Variants in TBC1D16 observed in about 807,000 individuals in gnomAD.
The protein encoded by TBC1D16 is TBC1 domain family member 16, also known as CTD-2529O21.1.
TBC1D16 carries 58 observed loss-of-function variants against 74.7 expected under a neutral mutation model. That is an observed-to-expected ratio of 0.78 (90% CI 0.63 to 0.97). The LOEUF is 0.97. Ranked by LOEUF, TBC1D16 falls within the 50% of genes least tolerant of loss-of-function variation. The pLI, the probability that TBC1D16 is intolerant of heterozygous loss-of-function variation, is 0.00. For synonymous variants in TBC1D16, 493 were observed against 474.7 expected (o/e 1.04, Z -0.50); for missense variants, 1,014 against 1,079.5 (o/e 0.94, Z 0.85).
rs185885819 is a variant in TBC1D16 at position 79,956,897 on chromosome 17, G to T, written c.780-4079C>A. Among the ~76,000 whole-genome samples, 64 of 152,328 alleles carry T rather than the reference G, an allele frequency of 4.2e-4. No individual in the cohort carries two copies. The highest frequency in any genetic ancestry group is 1.5e-3 in the African/African-American group (64 of 41,572). On this transcript the variant is annotated intron_variant, in intron 3 of 11. Coordinates refer to ENST00000310924, the MANE Select transcript of TBC1D16 (RefSeq NM_019020.4). This position sits in a 1 kb window ranked among gnomAD's most constrained non-coding sequence, Gnocchi z 4.0. ...TTTGCCCCTAAGGGGTTGTGAGAGG[G>T]TTTAAGCCAACTTCTGCCTGGAGGC... is the stretch of plus-strand genomic sequence containing the variant.
chr17:79,949,765 G>A lies in TBC1D16; in HGVS notation c.1358C>T (p.Ala453Val), dbSNP rs894428634. ...SHESTSEERE[A>V]LRLQKRKEYS... The stretch of plus-strand genomic sequence containing the variant: ...CTCCTTTCGCTTCTGCAGCCGCAGC[G>A]CCTCCCGCTCCTCCGACGTGGACTC... Residue 453 changes from alanine to valine, a missense_variant, in exon 7 of 12, where the codon GCG (alanine) becomes GTG (valine). Ala to Val is a moderately conservative substitution (Grantham distance 64, BLOSUM62 0). Coordinates refer to ENST00000310924, the MANE Select transcript of TBC1D16 (RefSeq NM_019020.4). The A allele has an allele frequency of 4.3e-6, 7 of 1,613,476 alleles. No individual in the cohort carries two copies. Among genetic ancestry groups the A allele is most frequent in the African/African-American group, 1.3e-5 (1 of 75,016 alleles).
At chr17:80,002,618 G>C (rs940661613) in intron 3 of TBC1D16, among the ~76,000 whole-genome samples, 8 of 152,218 alleles carry the variant, frequency 5.3e-5, no homozygotes, top group African/African-American at 1.9e-4. Context: ...CCTGCTGGGA[G>C]GGTCGCTACG....
chr17:79,950,309 G>C lies in TBC1D16; in HGVS notation c.1257+102C>G. 1 of 1,343,776 alleles carries C rather than the reference G, an allele frequency of 7.4e-7. No individual in the cohort carries two copies. Among genetic ancestry groups the C allele is most frequent in the Non-Finnish European group, 9.9e-7 (1 of 1,014,744 alleles). The allele number at this position is 1,343,776 out of a possible 1,614,324, so 83.2% of individuals were successfully genotyped here. On this transcript the variant is annotated intron_variant, in intron 6 of 11. Coordinates refer to ENST00000310924, the MANE Select transcript of TBC1D16 (RefSeq NM_019020.4). This position sits in a 1 kb window ranked among gnomAD's most constrained non-coding sequence, Gnocchi z 4.6. ...GGGCCCTCACGAGGAGGTGGCCCGT[G>C]GGTGCGGGCGGGCGGCCAGGCCCCG...
intron 3 of TBC1D16, among the ~76,000 whole-genome samples, chr17:79,999,397 A>G (rs2035397713): frequency 6.6e-6 from 1 of 152,112 alleles, no homozygotes; most frequent in Non-Finnish European, 1.5e-5. Flanking sequence ...TGTCTGGCCC[A>G]CCTGCCAACC....
chr17:79,950,354 C>A lies in TBC1D16; in HGVS notation c.1257+57G>T. 12 of 1,523,570 alleles carry A rather than the reference C, an allele frequency of 7.9e-6. No individual in the cohort carries two copies. Among genetic ancestry groups the A allele is most frequent in the South Asian group, 1.3e-5 (1 of 78,368 alleles). The allele number at this position is 1,523,570 out of a possible 1,614,324, so 94.4% of individuals were successfully genotyped here. On this transcript the variant is annotated intron_variant, in intron 6 of 11. Coordinates refer to ENST00000310924, the MANE Select transcript of TBC1D16 (RefSeq NM_019020.4). This position sits in a 1 kb window ranked among gnomAD's most constrained non-coding sequence, Gnocchi z 4.6. ...GCCCCGGCCCTCCTTCCCTCTCGCT[C>A]GTTCCCGGTTCCCGGCCGGCTCTCC... is the stretch of plus-strand genomic sequence containing the variant.
rs770574464 is a variant in TBC1D16 at position 79,983,672 on chromosome 17, C to T, written c.779+26488G>A. Among the ~76,000 whole-genome samples, 10 of 152,152 alleles carry T rather than the reference C, an allele frequency of 6.6e-5. No homozygotes were observed. The highest frequency in any genetic ancestry group is 1.0e-4 in the Non-Finnish European group (7 of 68,010). On this transcript the variant is annotated intron_variant, in intron 3 of 11. Transcript: ENST00000310924. This position sits in a 1 kb window ranked among gnomAD's most constrained non-coding sequence, Gnocchi z 5.6. ...CAAGGAAGTGCCGCCCACGGCATTC[C>T]GGAAGGTGGTTCCTTCTGGAGACCG...
rs747788377 is a variant in TBC1D16 at position 80,010,334 on chromosome 17, G to A, written c.605C>T (p.Pro202Leu). The A allele has an allele frequency of 1.7e-5, 28 of 1,610,644 alleles. No individual in the cohort carries two copies. Among genetic ancestry groups the A allele is most frequent in the East Asian group, 4.5e-5 (2 of 44,708 alleles). Residue 202 changes from proline to leucine, a missense_variant, in exon 3 of 12, where the codon CCG (proline) becomes CTG (leucine). Transcript: ENST00000310924. This position sits in a 1 kb window ranked among gnomAD's most constrained non-coding sequence, Gnocchi z 8.8. ...PQDVTEEGRE[P>L]RPEAGEEDGS... The stretch of plus-strand genomic sequence containing the variant: ...ATCCTCCTCCCCGGCCTCGGGCCGC[G>A]GCTCCCGCCCCTCCTCGGTGACATC...
rs1266902586 is a variant in TBC1D16 at position 79,983,644 on chromosome 17, G to C, written c.779+26516C>G. Among the ~76,000 whole-genome samples the C allele has an allele frequency of 6.6e-6, 1 of 152,216 alleles. No individual in the cohort carries two copies. The highest frequency in any genetic ancestry group is 2.4e-5 in the African/African-American group (1 of 41,456). Reference sequence around the variant, plus strand: ...CATGTGTGCAAAGCCTGCTTTAGGAGAGCAAGGAAGTGCCGCCCACGGCAT... The same window carrying C: ...CATGTGTGCAAAGCCTGCTTTAGGACAGCAAGGAAGTGCCGCCCACGGCAT... On this transcript the variant is annotated intron_variant, in intron 3 of 11. Coordinates refer to ENST00000310924, the MANE Select transcript of TBC1D16 (RefSeq NM_019020.4). The surrounding 1 kb of genome is among the most constrained non-coding windows in gnomAD (Gnocchi z 5.6).
intron 3 of TBC1D16, among the ~76,000 whole-genome samples, chr17:79,960,812 A>AAAAAAG (rs2033580165): frequency 7.4e-6 from 1 of 134,302 alleles, no homozygotes; most frequent in Non-Finnish European, 1.6e-5. Flanking sequence ...AAAAAAAACG[A>AAAAAAG]AGGAATGAAA....
rs367785113 is a variant in TBC1D16, at chr17:79,940,873, C to T, written c.2290G>A (p.Gly764Ser). The T allele has an allele frequency of 9.0e-6, 14 of 1,551,666 alleles. No individual in the cohort carries two copies. Among genetic ancestry groups the T allele is most frequent in the African/African-American group, 5.4e-5 (4 of 73,780 alleles). ...GGGGGCCCGACCTATCTGCGGAAGCCGAAGCCGTCCTGCGGCGTCTTTGGG... is the reference window on the plus strand; with the variant it reads ...GGGGGCCCGACCTATCTGCGGAAGCTGAAGCCGTCCTGCGGCGTCTTTGGG... The part of the protein sequence containing the change: ...KGPKTPQDGF[G>S]FRR Residue 764 changes from glycine (G) to serine (S), a missense_variant, in exon 12 of 12, where the codon GGC becomes AGC. Transcript: ENST00000310924. The surrounding 1 kb of genome is among the most constrained non-coding windows in gnomAD (Gnocchi z 5.4).
chr17:79,969,964 A>G (rs529512157), intron 3 of TBC1D16, among the ~76,000 whole-genome samples: 1 of 152,248 alleles, frequency 6.6e-6, no homozygotes, highest in East Asian at 1.9e-4. Flanking sequence ...AGAAAAGAAA[A>G]TAGATGTCTA....
chr17:80,000,969 C>T lies in TBC1D16; in HGVS notation c.779+9191G>A, dbSNP rs548767263. Among the ~76,000 whole-genome samples the T allele has an allele frequency of 6.6e-6, 1 of 152,338 alleles. No individual in the cohort carries two copies. The highest frequency in any genetic ancestry group is 2.1e-4 in the South Asian group (1 of 4,830). On this transcript the variant is annotated intron_variant, in intron 3 of 11. Coordinates refer to ENST00000310924, the MANE Select transcript of TBC1D16 (RefSeq NM_019020.4). The surrounding 1 kb of genome is among the most constrained non-coding windows in gnomAD (Gnocchi z 4.1). The stretch of plus-strand genomic sequence containing the variant: ...CAGTTGCACACCAGAGGGCTGGGCA[C>T]GGTGGCATCCCAGTCGAATTCTTTG...
rs1044557206 is a variant in TBC1D16 at position 79,938,746 on chromosome 17, C to G, written c.*2113G>C. The G allele has an allele frequency of 1.3e-5, 2 of 152,334 alleles. No individual in the cohort carries two copies. Among genetic ancestry groups the G allele is most frequent in the African/African-American group, 4.8e-5 (2 of 41,462 alleles). 9.4% of individuals were successfully genotyped at this position (152,334 alleles called of 1,614,324 possible). A position where few individuals can be genotyped will look rare whatever the true frequency, so the allele number is the denominator to read the frequency against. ...GTCCCCCACCCCTTAATGCTGAGCC[C>G]AGCCACGTGACTTGCTGTGGCCAAG... On this transcript the variant is annotated 3_prime_UTR_variant, in exon 12 of 12. Coordinates refer to ENST00000310924, the MANE Select transcript of TBC1D16 (RefSeq NM_019020.4).
intron 1 of TBC1D16, among the ~76,000 whole-genome samples, chr17:80,016,643 G>A (rs1480089616): frequency 6.6e-6 from 1 of 152,130 alleles, no homozygotes; most frequent in African/African-American, 2.4e-5. Context: ...CACTGGCTCA[G>A]CAGAACTGGC....
intron 4 of TBC1D16, among the ~76,000 whole-genome samples, 175 bp from the exon 5 acceptor site, chr17:79,951,772 C>T (rs1316630295): frequency 6.6e-6 from 1 of 152,198 alleles, no homozygotes; most frequent in Non-Finnish European, 1.5e-5. Flanking sequence ...CAAAAACCAC[C>T]ACCCCCTTTG....
In TBC1D16 at chr17:79,983,502, C is replaced by T. The variant is rs1312041598; in HGVS notation, c.779+26658G>A. Among the ~76,000 whole-genome samples the T allele has an allele frequency of 6.6e-6, 1 of 152,172 alleles. No individual in the cohort carries two copies. The highest frequency in any genetic ancestry group is 2.4e-5 in the African/African-American group (1 of 41,440). Reference sequence around the variant, plus strand: ...GGGGAACAGCCATGGAGACAGTGTCCCCCTATTGGAGTGAGCACCCGCAGC... The same window carrying T: ...GGGGAACAGCCATGGAGACAGTGTCTCCCTATTGGAGTGAGCACCCGCAGC... On this transcript the variant is annotated intron_variant, in intron 3 of 11. Coordinates refer to ENST00000310924, the MANE Select transcript of TBC1D16 (RefSeq NM_019020.4). The surrounding 1 kb of genome is among the most constrained non-coding windows in gnomAD (Gnocchi z 5.6).
At chr17:79,995,768 G>A (rs1198532695) in intron 3 of TBC1D16, among the ~76,000 whole-genome samples, 1 of 152,044 alleles carries the variant, frequency 6.6e-6, no homozygotes, top group Non-Finnish European at 1.5e-5. Flanking sequence ...CTGGGCGACA[G>A]AGCGAAACTC....
chr17:79,995,829 T>A (rs528220768), intron 3 of TBC1D16, among the ~76,000 whole-genome samples: 2 of 152,084 alleles, frequency 1.3e-5, no homozygotes, highest in African/African-American at 2.4e-5. Context: ...TAGGACTAGG[T>A]CAGGAGTTCT....
Position 80,026,670 on chromosome 17 carries a change from A to G in TBC1D16, c.-63+9125T>C, listed in dbSNP as rs902919390. 6.0e-5 allele frequency among the ~76,000 whole-genome samples: 9 copies of G among 149,794 alleles called. 3 individuals are homozygous for G. Among genetic ancestry groups the G allele is most frequent in the African/African-American group, 1.8e-4 (7 of 39,196 alleles). ...CCGGCAGCCCAAGTTGTCTGATGGG[A>G]GAGTTTCCTAATGTCCTTGAATCTG... On this transcript the variant is annotated intron_variant, in intron 1 of 11. Coordinates refer to ENST00000310924, the MANE Select transcript of TBC1D16 (RefSeq NM_019020.4).
Sources: gnomAD v4.1 joint callset for allele counts (sites outside exome capture counted in the v4.1 genomes callset) on GRCh38, gnomAD v4.1.1 for gene constraint, Gnocchi (gnomAD v3.1) non-coding constraint, MANE v1.5 for transcripts, NCBI Gene and HGNC (gene_info 2026-07-23, HGNC 2026-07-21) for gene names.